The following CORIN variants were observed in gnomAD, a reference collection of about 807,000 sequenced individuals.
CORIN encodes the protein corin, serine peptidase.
Under a neutral mutation model 125.3 loss-of-function variants are expected in CORIN, and 117 were observed. The observed-to-expected ratio is 0.93, with a 90% confidence interval of 0.80 to 1.09. The LOEUF is 1.09. CORIN is among the 50% of genes least tolerant of loss of function. The probability of loss-of-function intolerance (pLI) is 0.00; values close to 1 mark genes in which losing one functional copy is unlikely to be tolerated. For synonymous variants in CORIN, 450 were observed against 466.4 expected (o/e 0.96, Z 0.45); for missense variants, 1,253 against 1,306.7 (o/e 0.96, Z 0.63).
At chr4:47,671,217 A>G (rs1219959780) in intron 10 of CORIN, among the ~76,000 whole-genome samples, 1 of 152,192 alleles carries the variant, frequency 6.6e-6, no homozygotes, top group African/African-American at 2.4e-5. Flanking sequence ...ATCACATAAT[A>G]TTTTATGGGA....
At position 47,680,238 on chromosome 4, in the gene CORIN, T is replaced by C. The variant is rs777485273; in HGVS notation, c.1035A>G (p.Thr345=). 1 of 1,613,694 alleles carries C rather than the reference T, an allele frequency of 6.2e-7. No homozygotes were observed. The highest frequency in any genetic ancestry group is 8.5e-7 in the Non-Finnish European group (1 of 1,179,716). The change falls in exon 8 of 22, where the codon ACA becomes ACG. Residue 345 remains threonine, a synonymous_variant. Coordinates refer to ENST00000273857, the MANE Select transcript of CORIN (RefSeq NM_006587.4). ...SDEQNCDCNP[T]TEHRCGDGRC... is the part of the protein sequence containing the mutation. ...GCCCGTCCCCGCAGCGATGCTCTGT[T>C]GTGGGATTGCAATCTGGAGAAATGA... is the stretch of plus-strand genomic sequence containing the variant.
chr4:47,642,762 T>G, intron 15 of CORIN: 1 of 1,159,360 alleles, frequency 8.6e-7, no homozygotes, highest in South Asian at 1.7e-5. Context: ...CTGAAGAGTG[T>G]AGGGAAGGCA....
chr4:47,652,386 T>C (rs1307008503), intron 13 of CORIN, among the ~76,000 whole-genome samples: 1 of 152,212 alleles, frequency 6.6e-6, no homozygotes, highest in Non-Finnish European at 1.5e-5. Context: ...CAACGCAATA[T>C]TTCATACTTC....
chr4:47,760,183 G>A (rs923992364), intron 4 of CORIN, among the ~76,000 whole-genome samples: 1 of 152,128 alleles, frequency 6.6e-6, no homozygotes, highest in Non-Finnish European at 1.5e-5. Context: ...TGATTAATGG[G>A]CTGCAGAATA....
intron 2 of CORIN, among the ~76,000 whole-genome samples, chr4:47,796,774 C>CAAAT: frequency 6.6e-6 from 1 of 151,964 alleles, no homozygotes; most frequent in Middle Eastern, 3.4e-3. Flanking sequence ...AATAAATAAA[C>CAAAT]AAATAAATAA....
intron 10 of CORIN, among the ~76,000 whole-genome samples, chr4:47,669,794 T>C (rs1391732167): frequency 2.0e-5 from 3 of 151,988 alleles, no homozygotes; most frequent in Admixed American, 6.6e-5. Context: ...TGGTCTCAAT[T>C]TCCTGACCTT....
chr4:47,689,281 T>C (rs1230611800), intron 6 of CORIN, among the ~76,000 whole-genome samples: 1 of 152,202 alleles, frequency 6.6e-6, no homozygotes, highest in Non-Finnish European at 1.5e-5. Flanking sequence ...CAGTGAATCA[T>C]TATTCTGAAC....
intron 12 of CORIN, among the ~76,000 whole-genome samples, chr4:47,660,610 TCAAAACTA>T (rs1724201278): frequency 6.6e-6 from 1 of 152,012 alleles, no homozygotes; most frequent in Non-Finnish European, 1.5e-5. Flanking sequence ...TAAATGCAAA[TCAAAACTA>T]CAATGAGGTA....
intron 5 of CORIN, among the ~76,000 whole-genome samples, chr4:47,705,047 C>T (rs556809859): frequency 6.6e-6 from 1 of 152,248 alleles, no homozygotes; most frequent in East Asian, 1.9e-4. Flanking sequence ...CTTGTGATTG[C>T]GACTGAGTAA....
intron 11 of CORIN, 56 bp from the exon 12 acceptor site, chr4:47,661,912 G>C: frequency 6.7e-7 from 1 of 1,502,364 alleles, no homozygotes; most frequent in East Asian, 2.3e-5. Flanking sequence ...ATCTGAGACA[G>C]ATGTCATAAA....
chr4:47,775,274 T>A (rs988933653), intron 3 of CORIN, among the ~76,000 whole-genome samples: 1 of 151,944 alleles, frequency 6.6e-6, no homozygotes, highest in Non-Finnish European at 1.5e-5. Context: ...AACGTACAGG[T>A]TTTTTACCTA....
intron 5 of CORIN, among the ~76,000 whole-genome samples, chr4:47,721,045 A>C (rs1277259727): frequency 1.3e-5 from 2 of 152,150 alleles, no homozygotes; most frequent in Non-Finnish European, 2.9e-5. Flanking sequence ...TAAACAAGAA[A>C]CATTTATTTT....
chr4:47,756,188 C>T (rs2109857263), intron 4 of CORIN, among the ~76,000 whole-genome samples: 1 of 152,278 alleles, frequency 6.6e-6, no homozygotes, highest in East Asian at 1.9e-4. Context: ...GAGAAAGATA[C>T]TACCAGGTAA....
chr4:47,609,493 G>A (rs1003152873), intron 19 of CORIN, among the ~76,000 whole-genome samples: 1 of 152,156 alleles, frequency 6.6e-6, no homozygotes, highest in Non-Finnish European at 1.5e-5. Flanking sequence ...ACCCACTTCA[G>A]CCTTCCAAAG....
chr4:47,788,815 G>A (rs1466455518), intron 2 of CORIN, among the ~76,000 whole-genome samples: 2 of 152,124 alleles, frequency 1.3e-5, no homozygotes, highest in Non-Finnish European at 2.9e-5. Context: ...ATCCAGTTCT[G>A]TCAACATACT....
chr4:47,628,606 A>G (rs34131087), intron 16 of CORIN, among the ~76,000 whole-genome samples: 39,530 of 151,768 alleles, frequency 0.26, 5,324 homozygotes, highest in Admixed American at 0.36. Context: ...GTACCCTTTG[A>G]CCATCTCCCC....
Position 47,621,999 on chromosome 4 carries a change from CT to C in CORIN, c.2540+1571del, listed in dbSNP as rs1156993506. Among the ~76,000 whole-genome samples, 6 of 85,018 alleles carry C rather than the reference CT, an allele frequency of 7.1e-5. No homozygotes were observed. The East Asian group carries it at 2.1e-3, about 30-fold the overall frequency. 55.8% of individuals were successfully genotyped at this position (85,018 alleles called of 152,430 possible). ...TATCTCCCAATGCTATCCCTCCCCC[CT>C]CCCCCCACCCCACAACAGTCCCCAG... On this transcript the variant is annotated intron_variant, in intron 19 of 21. Transcript: ENST00000273857.
intron 10 of CORIN, 24 bp downstream of exon 10, chr4:47,674,369 G>A (rs1410912313): frequency 1.4e-6 from 2 of 1,459,680 alleles, no homozygotes; most frequent in Non-Finnish European, 1.9e-6. Flanking sequence ...CATGGCTATT[G>A]CATTTGTCAG....
At chr4:47,810,848 A>T (rs1393381429) in intron 1 of CORIN, among the ~76,000 whole-genome samples, 2 of 152,190 alleles carry the variant, frequency 1.3e-5, no homozygotes, top group East Asian at 3.9e-4. Flanking sequence ...CATTATATGC[A>T]ACTGACCACT....
Sources: gnomAD v4.1 joint callset for allele counts (sites outside exome capture counted in the v4.1 genomes callset) on GRCh38, gnomAD v4.1.1 for gene constraint, MANE v1.5 for transcripts, NCBI Gene and HGNC (gene_info 2026-07-23, HGNC 2026-07-21) for gene names.